Variants in AHI1 observed in about 807,000 individuals in gnomAD.
AHI1 encodes the protein Abelson helper integration site 1, also known as jouberin.
AHI1 carries 123 observed loss-of-function variants against 149.3 expected under a neutral mutation model. The observed-to-expected ratio is 0.82, with a 90% CI of 0.71 to 0.96. The LOEUF (loss-of-function observed/expected upper bound fraction) is 0.96, where lower values mean the gene tolerates loss of function less well. Among genes scored for constraint, AHI1 ranks in the 40% least tolerant of loss-of-function variants. AHI1 has a pLI of 0.00. For synonymous variants in AHI1, 475 were observed against 459.8 expected (o/e 1.03, Z -0.42); for missense variants, 1,439 against 1,422.7 (o/e 1.01, Z -0.18).
intron 24 of AHI1, among the ~76,000 whole-genome samples, chr6:135,335,738 A>G (rs1174324003): frequency 6.6e-6 from 1 of 152,232 alleles, no homozygotes; most frequent in Non-Finnish European, 1.5e-5. Context: ...GACACAGACA[A>G]TATTTTTAAA....
chr6:135,445,462 A>T (rs1787025310), intron 13 of AHI1, among the ~76,000 whole-genome samples: 1 of 152,338 alleles, frequency 6.6e-6, no homozygotes, highest in Middle Eastern at 3.4e-3. Flanking sequence ...ACATATCTCT[A>T]TCAAAGTGTG....
At chr6:135,387,221 CA>C (rs1224643533) in intron 23 of AHI1, among the ~76,000 whole-genome samples, 1 of 152,084 alleles carries the variant, frequency 6.6e-6, no homozygotes, top group Non-Finnish European at 1.5e-5. Context: ...CTACAGGTTG[CA>C]AAATGGAATT....
At chr6:135,428,573 C>G in intron 19 of AHI1, 56 bp downstream of exon 19, 2 of 1,462,982 alleles carry the variant, frequency 1.4e-6, no homozygotes, top group African/African-American at 2.9e-5. Flanking sequence ...AATTTTCACA[C>G]TTCTTCAAAC....
intron 24 of AHI1, among the ~76,000 whole-genome samples, chr6:135,340,048 C>T (rs945300295): frequency 6.6e-6 from 1 of 152,124 alleles, no homozygotes; most frequent in African/African-American, 2.4e-5. Flanking sequence ...AGAGTTCAAA[C>T]CATCCAGCAA....
chr6:135,358,240 G>T, intron 23 of AHI1, 53 bp from the exon 24 acceptor site: 1 of 1,450,186 alleles, frequency 6.9e-7, no homozygotes, highest in Non-Finnish European at 9.6e-7. Flanking sequence ...TCCATTTTAT[G>T]TTGAAAATAT....
At chr6:135,292,509 AAAC>A (rs1264400773) in intron 27 of AHI1, among the ~76,000 whole-genome samples, 52 of 152,330 alleles carry the variant, frequency 3.4e-4, no homozygotes, top group African/African-American at 1.2e-3. Context: ...AAAACACATG[AAAC>A]AACAATTTTC....
intron 23 of AHI1, among the ~76,000 whole-genome samples, chr6:135,369,651 TTTC>T (rs1354340686): frequency 2.0e-5 from 3 of 152,208 alleles, no homozygotes; most frequent in African/African-American, 7.2e-5. Context: ...GATATGACTC[TTTC>T]TTCTTCCCAT....
chr6:135,334,885 T>C (rs1789140099), intron 24 of AHI1, among the ~76,000 whole-genome samples: 1 of 152,200 alleles, frequency 6.6e-6, no homozygotes, highest in Non-Finnish European at 1.5e-5. Context: ...TCTTGGGCCC[T>C]ATTCCAAATC....
At chr6:135,333,622 C>T (rs17064431) in intron 24 of AHI1, among the ~76,000 whole-genome samples, 16 of 152,064 alleles carry the variant, frequency 1.1e-4, no homozygotes, top group African/African-American at 1.9e-4. Context: ...TATAATGCAA[C>T]GATAAGTGAA....
At position 135,318,515 on chromosome 6, in the gene AHI1, T is replaced by G. The variant is rs1054847144; in HGVS notation, c.3426+4A>C. 1.9e-6 allele frequency: 3 copies of G among 1,562,810 alleles called. No individual in the cohort carries two copies. Among genetic ancestry groups the G allele is most frequent in the Non-Finnish European group, 2.6e-6 (3 of 1,146,160 alleles). ...ATGTAATACGTATGCTCAAAAACATTTACCTTTTGAGGAGCTGGAGATTTT... is the reference window on the plus strand; with the variant it reads ...ATGTAATACGTATGCTCAAAAACATGTACCTTTTGAGGAGCTGGAGATTTT... On this transcript the variant is annotated splice_donor_region_variant and intron_variant, in intron 26 of 28. Coordinates refer to ENST00000265602, the MANE Select transcript of AHI1 (RefSeq NM_001134831.2).
intron 26 of AHI1, among the ~76,000 whole-genome samples, chr6:135,303,311 C>T (rs552504891): frequency 5.3e-5 from 8 of 152,176 alleles, no homozygotes; most frequent in South Asian, 2.1e-4. Flanking sequence ...ATCTAGCACA[C>T]GAGACTTAAA....
chr6:135,339,847 C>T (rs1790019111), intron 24 of AHI1, among the ~76,000 whole-genome samples: 1 of 152,092 alleles, frequency 6.6e-6, no homozygotes, highest in African/African-American at 2.4e-5. Flanking sequence ...TAAAAAAGAT[C>T]CATATCTAGA....
intron 26 of AHI1, among the ~76,000 whole-genome samples, chr6:135,304,263 G>A (rs1784272751): frequency 6.6e-6 from 1 of 152,018 alleles, no homozygotes; most frequent in Non-Finnish European, 1.5e-5. Context: ...ATATTGTCCA[G>A]GTTAGCCTTA....
intron 26 of AHI1, among the ~76,000 whole-genome samples, chr6:135,306,200 A>G (rs1562469267): frequency 2.0e-5 from 3 of 152,216 alleles, no homozygotes; most frequent in African/African-American, 4.8e-5. Flanking sequence ...AAAAATGCCA[A>G]TGCTGGTAGG....
chr6:135,393,336 T>C lies in AHI1; in HGVS notation c.3109+1440A>G, dbSNP rs112717259. Among the ~76,000 whole-genome samples, 1,414 of 152,292 alleles carry C rather than the reference T, an allele frequency of 9.3e-3. 19 individuals carry two copies. Among genetic ancestry groups the C allele is most frequent in the African/African-American group, 0.032 (1,319 of 41,582 alleles). On this transcript the variant is annotated intron_variant, in intron 23 of 28. Coordinates refer to ENST00000265602, the MANE Select transcript of AHI1 (RefSeq NM_001134831.2). ...TGGCAGACAGACATAAGATACTGCT[T>C]AAATGAATTTTAAACAATATATTAA...
chr6:135,446,577 G>T lies in AHI1; in HGVS notation c.1779+431C>A, dbSNP rs140983633. Among the ~76,000 whole-genome samples, 715 of 152,328 alleles carry T rather than the reference G, an allele frequency of 4.7e-3. 11 individuals are homozygous for T. Among genetic ancestry groups the T allele is most frequent in the African/African-American group, 0.016 (650 of 41,570 alleles). ...TCAGATTCGTGCCCTTATAAGAAAA[G>T]ACGCGAGAAAGGTGATCTCTCTCTC... On this transcript the variant is annotated intron_variant, in intron 13 of 28. Coordinates refer to ENST00000265602, the MANE Select transcript of AHI1 (RefSeq NM_001134831.2).
intron 23 of AHI1, among the ~76,000 whole-genome samples, chr6:135,380,237 A>C (rs1327212520): frequency 1.3e-5 from 2 of 151,802 alleles, no homozygotes; most frequent in East Asian, 3.9e-4. Context: ...CACGCATTCA[A>C]CCAACCATGG....
At chr6:135,487,892 A>C (rs112251281) in intron 5 of AHI1, among the ~76,000 whole-genome samples, 1,551 of 152,226 alleles carry the variant, frequency 0.01, 23 homozygotes, top group African/African-American at 0.035. Context: ...CATCTTTAAT[A>C]AATCTTAAAT....
chr6:135,316,552 G>A (rs886582785), intron 26 of AHI1, among the ~76,000 whole-genome samples: 1 of 151,744 alleles, frequency 6.6e-6, no homozygotes, highest in African/African-American at 2.4e-5. Context: ...TACCTCTTCT[G>A]GCTTCCAGGG....
Sources: gnomAD v4.1 joint callset for allele counts (sites outside exome capture counted in the v4.1 genomes callset) on GRCh38, gnomAD v4.1.1 for gene constraint, MANE v1.5 for transcripts, NCBI Gene and HGNC (gene_info 2026-07-23, HGNC 2026-07-21) for gene names.